The following GSK3B variants were observed in gnomAD, a reference collection of about 807,000 sequenced individuals.
The protein encoded by GSK3B is glycogen synthase kinase-3 beta.
In GSK3B, 15 loss-of-function variants were observed where a neutral mutation model predicts 56.4. That is an observed-to-expected ratio of 0.27 (90% confidence interval 0.18 to 0.41). The LOEUF is 0.41. Among genes scored for constraint, GSK3B ranks in the 10% least tolerant of loss-of-function variants. The pLI, the probability that GSK3B is intolerant of heterozygous loss-of-function variation, is 1.00. For missense variants in GSK3B, 300 were observed against 513.4 expected, an observed-to-expected ratio of 0.58 and a Z score of 4.02; for synonymous variants, 181 against 188.9, an observed-to-expected ratio of 0.96 and a Z score of 0.34.
intron 2 of GSK3B, among the ~76,000 whole-genome samples, chr3:119,980,954 T>C (rs1478043664): frequency 6.6e-6 from 1 of 152,166 alleles, no homozygotes; most frequent in East Asian, 1.9e-4. Flanking sequence ...GTGAAAGTCA[T>C]GAAAAATGTT....
chr3:119,827,585 T>TAAAA (rs1156408098), intron 10 of GSK3B, among the ~76,000 whole-genome samples: 2 of 42,104 alleles, frequency 4.8e-5, no homozygotes, highest in Admixed American at 3.3e-4. Context: ...ATACCGTCTT[T>TAAAA]AAAAAAAAAA....
At chr3:120,091,492 TGAAAA>T (rs2058511806) in intron 1 of GSK3B, among the ~76,000 whole-genome samples, 1 of 152,162 alleles carries the variant, frequency 6.6e-6, no homozygotes, top group Admixed American at 6.5e-5. Flanking sequence ...AAGAAAATCC[TGAAAA>T]GAAAATGAAA....
intron 1 of GSK3B, among the ~76,000 whole-genome samples, chr3:120,015,592 A>G (rs1025228223): frequency 2.8e-5 from 4 of 145,182 alleles, no homozygotes; most frequent in African/African-American, 1.0e-4. Context: ...GGAGGTTGCA[A>G]TAAGCCAAGA....
chr3:119,929,823 A>T (rs1221313153), intron 3 of GSK3B, among the ~76,000 whole-genome samples: 1 of 151,512 alleles, frequency 6.6e-6, no homozygotes, highest in Non-Finnish European at 1.5e-5. Flanking sequence ...AATGGCTTGA[A>T]CCAGGAGGCA....
At chr3:120,030,835 G>C (rs964927505) in intron 1 of GSK3B, among the ~76,000 whole-genome samples, 2 of 152,176 alleles carry the variant, frequency 1.3e-5, no homozygotes, top group African/African-American at 4.8e-5. Context: ...ATAATGTCCT[G>C]AGCATATTAG....
Position 119,825,951 on chromosome 3 carries a change from C to T in GSK3B, c.*837G>A, listed in dbSNP as rs2055496771. 1 of 215,052 alleles carries T rather than the reference C, an allele frequency of 4.7e-6. No homozygotes were observed. The highest frequency in any genetic ancestry group is 1.9e-4 in the South Asian group (1 of 5,376). 13.3% of individuals were successfully genotyped at this position (215,052 alleles called of 1,614,324 possible). A position where few individuals can be genotyped will look rare whatever the true frequency, so the allele number is the denominator to read the frequency against. On this transcript the variant is annotated 3_prime_UTR_variant, in exon 11 of 11. Transcript: ENST00000264235. ...GCAGCTAGCTCAGCCTGCTCAACAC[C>T]CCTTCCATCTCCTCCCAGGTCACTA...
chr3:119,902,688 C>T (rs757927853), intron 7 of GSK3B, among the ~76,000 whole-genome samples: 53 of 152,214 alleles, frequency 3.5e-4, no homozygotes, highest in Middle Eastern at 6.8e-3. Flanking sequence ...TTAGCCACCA[C>T]GCTTGGCTGT....
Position 119,826,798 on chromosome 3 carries a change from T to C in GSK3B, c.1253A>G (p.Asn418Ser), listed in dbSNP as rs771546683. The part of the protein sequence containing the change: ...TNNAASASAS[N>S]ST ...GCTGCTCGGGACTGTTCAGGTGGAG[T>C]TGGAAGCTGATGCAGAAGCAGCATT... Residue 418 changes from asparagine to serine, a missense_variant, in exon 11 of 11, where the codon AAC becomes AGC. By Grantham distance (46) the Asn-to-Ser change is conservative. This residue lies in a region of GSK3B where 88 missense variants were observed against 92.7 expected (regional missense o/e 0.95). Coordinates refer to ENST00000264235, the MANE Select transcript of GSK3B (RefSeq NM_001146156.2). 6.2e-6 allele frequency: 10 copies of C among 1,611,506 alleles called. No homozygotes were observed. The highest frequency in any genetic ancestry group is 1.1e-5 in the South Asian group (1 of 91,018).
intron 1 of GSK3B, among the ~76,000 whole-genome samples, chr3:120,015,175 G>A (rs1319169406): frequency 6.6e-6 from 1 of 152,156 alleles, no homozygotes; most frequent in East Asian, 1.9e-4. Flanking sequence ...ATGCCACTTA[G>A]TGGGTGCTCA....
chr3:120,033,421 A>C (rs2057994774), intron 1 of GSK3B, among the ~76,000 whole-genome samples: 1 of 152,194 alleles, frequency 6.6e-6, no homozygotes, highest in East Asian at 1.9e-4. Flanking sequence ...CAGCTGTACC[A>C]TTTTACATTC....
chr3:119,937,667 TA>T (rs965283924), intron 3 of GSK3B, among the ~76,000 whole-genome samples: 8 of 151,898 alleles, frequency 5.3e-5, no homozygotes, highest in African/African-American at 1.9e-4. Context: ...ATGCTTACAT[TA>T]AGAAAGAAGA....
intron 1 of GSK3B, among the ~76,000 whole-genome samples, chr3:120,053,959 AG>A (rs1167025545): frequency 6.6e-6 from 1 of 152,190 alleles, no homozygotes; most frequent in Non-Finnish European, 1.5e-5. Flanking sequence ...TGTCTTTATC[AG>A]CAGCATGAAA....
chr3:119,847,306 A>G (rs1034403598), intron 9 of GSK3B, among the ~76,000 whole-genome samples: 8 of 150,414 alleles, frequency 5.3e-5, no homozygotes, highest in Non-Finnish European at 1.0e-4. Context: ...TAAAAAAAGA[A>G]TAAGTTTAAA....
At chr3:119,957,794 G>A (rs1447146129) in intron 2 of GSK3B, among the ~76,000 whole-genome samples, 1 of 152,102 alleles carries the variant, frequency 6.6e-6, no homozygotes, top group South Asian at 2.1e-4. Context: ...ATTTAAACCA[G>A]GTGTGTCAGA....
At chr3:120,009,298 T>C (rs913889591) in intron 1 of GSK3B, among the ~76,000 whole-genome samples, 3 of 152,114 alleles carry the variant, frequency 2.0e-5, no homozygotes, top group Admixed American at 1.3e-4. Flanking sequence ...GATCTAGAAC[T>C]AGAAATACCG....
intron 2 of GSK3B, among the ~76,000 whole-genome samples, chr3:119,971,918 A>G (rs533842191): frequency 1.3e-5 from 2 of 152,208 alleles, no homozygotes; most frequent in Admixed American, 1.3e-4. Flanking sequence ...GCCTGCAATA[A>G]AATTTTTATA....
intron 2 of GSK3B, among the ~76,000 whole-genome samples, chr3:119,966,320 C>T (rs775949782): frequency 2.2e-4 from 33 of 152,114 alleles, no homozygotes; most frequent in Non-Finnish European, 3.4e-4. Flanking sequence ...AGAAAGGAAC[C>T]CTAATATTTG....
chr3:120,071,848 C>T (rs1355003841), intron 1 of GSK3B, among the ~76,000 whole-genome samples: 1 of 152,180 alleles, frequency 6.6e-6, no homozygotes, highest in African/African-American at 2.4e-5. Flanking sequence ...AGGTTTGGGA[C>T]CACTGCCACC....
At chr3:119,972,764 G>T (rs7644234) in intron 2 of GSK3B, among the ~76,000 whole-genome samples, 80,407 of 151,942 alleles carry the variant, frequency 0.53, 24,709 homozygotes, top group African/African-American at 0.86. Context: ...TCTGTGATAT[G>T]GATTTTTTAA....
Sources: allele counts gnomAD v4.1 joint callset (sites outside exome capture counted in the v4.1 genomes callset), GRCh38; gene constraint gnomAD v4.1.1; regional missense constraint gnomAD v4.1.1; transcripts MANE v1.5; gene names NCBI Gene and HGNC (gene_info 2026-07-23, HGNC 2026-07-21).